Variants in LIN7A observed in about 807,000 individuals in gnomAD.
The protein encoded by LIN7A is lin-7 cell polarity scaffold A.
Under a neutral mutation model 29.8 loss-of-function variants are expected in LIN7A, and 25 were observed. The ratio of observed to expected loss-of-function variants is 0.84; its 90% CI spans 0.61 to 1.17. LIN7A has a LOEUF of 1.17. Among genes scored for constraint, LIN7A ranks in the 50% most tolerant of loss-of-function variants. The pLI is 0.00. For missense variants in LIN7A, 239 were observed against 287.0 expected (o/e 0.83, Z 1.21); for synonymous variants, 118 against 107.5 (o/e 1.10, Z -0.60).
At chr12:80,908,353 A>C (rs1338916847) in intron 1 of LIN7A, among the ~76,000 whole-genome samples, 1 of 152,112 alleles carries the variant, frequency 6.6e-6, no homozygotes, top group Non-Finnish European at 1.5e-5. Context: ...TATGAAATTC[A>C]TATGTATAAG....
intron 1 of LIN7A, among the ~76,000 whole-genome samples, chr12:80,893,554 T>C (rs775379159): frequency 4.3e-4 from 65 of 152,140 alleles, no homozygotes; most frequent in Non-Finnish European, 8.4e-4. Flanking sequence ...TTCCCAGTCC[T>C]CATAAAAGAT....
At chr12:80,808,621 T>C (rs1401784974) in intron 5 of LIN7A, among the ~76,000 whole-genome samples, 1 of 151,442 alleles carries the variant, frequency 6.6e-6, no homozygotes, top group African/African-American at 2.4e-5. Flanking sequence ...TTCTCCTGCC[T>C]CAGCCTCCTG....
intron 4 of LIN7A, among the ~76,000 whole-genome samples, chr12:80,831,814 A>G (rs1480470735): frequency 1.3e-5 from 2 of 152,342 alleles, no homozygotes; most frequent in South Asian, 2.1e-4. Context: ...ATGGGCAATG[A>G]TATTTAAAGT....
chr12:80,935,294 G>T (rs767356650), intron 1 of LIN7A, among the ~76,000 whole-genome samples: 16 of 152,264 alleles, frequency 1.1e-4, no homozygotes, highest in Non-Finnish European at 1.8e-4. Context: ...AATTTAGAGC[G>T]CATCAAAGGG....
At chr12:80,807,068 T>TTTTTTTTTTTTTC (rs1871037669) in intron 5 of LIN7A, among the ~76,000 whole-genome samples, 1 of 84,996 alleles carries the variant, frequency 1.2e-5, no homozygotes, top group African/African-American at 5.2e-5. Flanking sequence ...ATGGAGTTTT[T>TTTTTTTTTTTTTC]TTTTTTTTTT....
intron 2 of LIN7A, chr12:80,861,228 C>T (rs963391861): frequency 2.0e-5 from 3 of 152,346 alleles, no homozygotes; most frequent in African/African-American, 7.2e-5. Context: ...TTGCACAACA[C>T]TTTGGTGCCT....
intron 1 of LIN7A, chr12:80,937,091 C>T (rs1317448486): frequency 6.6e-6 from 1 of 152,656 alleles, no homozygotes; most frequent in Non-Finnish European, 1.5e-5. Flanking sequence ...AGCCCCGCCA[C>T]TGTGCGCCCG....
rs3072333 is a variant in LIN7A, at chr12:80,820,630, T to TACAC, written c.484-8951_484-8948dup. ...GATGGTTGTTGGAATGAAGATTAAA[T>TACAC]ACACACACACACACACACACACACA... is the stretch of plus-strand genomic sequence containing the variant. On this transcript the variant is annotated intron_variant, in intron 4 of 5. Coordinates refer to ENST00000552864, the MANE Select transcript of LIN7A (RefSeq NM_004664.4). Among the ~76,000 whole-genome samples, 683 of 147,510 alleles carry TACAC rather than the reference T, an allele frequency of 4.6e-3. 3 individuals are homozygous for TACAC. Among genetic ancestry groups the TACAC allele is most frequent in the South Asian group, 0.02 (94 of 4,618 alleles).
At chr12:80,807,062 A>AG (rs1555221315) in intron 5 of LIN7A, among the ~76,000 whole-genome samples, 3 of 32,288 alleles carry the variant, frequency 9.3e-5, no homozygotes, top group African/African-American at 3.2e-4. Flanking sequence ...ATGAAGATGG[A>AG]GTTTTTTTTT....
chr12:80,908,836 T>C (rs1372478076), intron 1 of LIN7A, among the ~76,000 whole-genome samples: 1 of 152,010 alleles, frequency 6.6e-6, no homozygotes, highest in African/African-American at 2.4e-5. Flanking sequence ...TTTTTAAAAG[T>C]TGGTTATTTT....
chr12:80,893,104 G>A (rs1427144975), intron 1 of LIN7A, among the ~76,000 whole-genome samples: 1 of 152,168 alleles, frequency 6.6e-6, no homozygotes, highest in Admixed American at 6.5e-5. Context: ...AGAGAGAAAA[G>A]TGAATGAAAT....
At chr12:80,807,083 T>TTTTTTTTTTTTTTTTTTTTTTTG (rs1555221413) in intron 5 of LIN7A, among the ~76,000 whole-genome samples, 4 of 137,206 alleles carry the variant, frequency 2.9e-5, no homozygotes, top group Non-Finnish European at 4.7e-5. Context: ...TTTTTTTTTT[T>TTTTTTTTTTTTTTTTTTTTTTTG]TTTTTTTTGA....
chr12:80,818,464 T>A (rs1396325636), intron 4 of LIN7A, among the ~76,000 whole-genome samples: 4 of 152,358 alleles, frequency 2.6e-5, no homozygotes, highest in South Asian at 4.1e-4. Flanking sequence ...GGTCACCAGC[T>A]AGTAAGTCGA....
intron 4 of LIN7A, among the ~76,000 whole-genome samples, chr12:80,833,635 T>C (rs1495334): frequency 0.4 from 60,240 of 152,152 alleles, 12,098 homozygotes; most frequent in Non-Finnish European, 0.42. Flanking sequence ...TCTTCCATGA[T>C]GTGGCTCAAG....
intron 5 of LIN7A, among the ~76,000 whole-genome samples, chr12:80,797,963 C>A (rs192701347): frequency 6.6e-6 from 1 of 152,284 alleles, no homozygotes; most frequent in African/African-American, 2.4e-5. Flanking sequence ...ATAAAGAACA[C>A]CAGTTTGGAA....
At chr12:80,894,834 C>T (rs1808553625) in intron 1 of LIN7A, among the ~76,000 whole-genome samples, 1 of 152,092 alleles carries the variant, frequency 6.6e-6, no homozygotes. Context: ...AAAATCCTTA[C>T]TATTATATCA....
At chr12:80,892,101 A>T (rs1875655145) in intron 1 of LIN7A, among the ~76,000 whole-genome samples, 1 of 152,156 alleles carries the variant, frequency 6.6e-6, no homozygotes. Flanking sequence ...CTCATCTATT[A>T]TAATAATTAC....
At chr12:80,873,114 G>A (rs1351446575) in intron 2 of LIN7A, among the ~76,000 whole-genome samples, 2 of 152,156 alleles carry the variant, frequency 1.3e-5, no homozygotes, top group African/African-American at 2.4e-5. Flanking sequence ...AGGTTGGTAA[G>A]ACCTGAAAAT....
chr12:80,804,529 C>T (rs1236721735), intron 5 of LIN7A, among the ~76,000 whole-genome samples: 1 of 150,728 alleles, frequency 6.6e-6, no homozygotes, highest in Non-Finnish European at 1.5e-5. Context: ...CATGTTATTG[C>T]AAATTACTGA....
Sources: allele counts gnomAD v4.1 joint callset (sites outside exome capture counted in the v4.1 genomes callset), GRCh38; gene constraint gnomAD v4.1.1; transcripts MANE v1.5; gene names NCBI Gene and HGNC (gene_info 2026-07-23, HGNC 2026-07-21).